FGGY: variants seen among roughly 807,000 people sequenced by gnomAD.
FGGY encodes the protein FGGY carbohydrate kinase domain containing, also known as FGGY carbohydrate kinase domain-containing protein.
A neutral mutation model predicts 71.3 loss-of-function variants in FGGY; 72 were observed. The ratio of observed to expected loss-of-function variants is 1.01; its 90% CI spans 0.84 to 1.23. The LOEUF (loss-of-function observed/expected upper bound fraction) is 1.23. FGGY is among the 50% of genes most tolerant of loss of function. The probability of loss-of-function intolerance (pLI) is 0.00; values close to 1 mark genes in which losing one functional copy is unlikely to be tolerated. For missense variants in FGGY, 668 were observed against 682.3 expected (o/e 0.98, Z 0.23); for synonymous variants, 251 against 250.3 (o/e 1.00, Z -0.02).
intron 14 of FGGY, among the ~76,000 whole-genome samples, chr1:59,694,216 G>A (rs900276127): frequency 6.6e-6 from 1 of 151,702 alleles, no homozygotes; most frequent in Non-Finnish European, 1.5e-5. Flanking sequence ...GTGAACCCGG[G>A]AGGAGGAGCT....
intron 8 of FGGY, among the ~76,000 whole-genome samples, chr1:59,568,698 G>T (rs1039464991): frequency 1.9e-4 from 29 of 152,190 alleles, no homozygotes; most frequent in African/African-American, 6.7e-4. Flanking sequence ...ACGTTTAATA[G>T]ATTATGACTC....
At chr1:59,465,145 A>G (rs2092535183) in intron 6 of FGGY, among the ~76,000 whole-genome samples, 1 of 152,258 alleles carries the variant, frequency 6.6e-6, no homozygotes, top group African/African-American at 2.4e-5. Flanking sequence ...CCAGCAGCAC[A>G]TCAAAAAGTT....
intron 5 of FGGY, among the ~76,000 whole-genome samples, chr1:59,447,789 T>G (rs2071649208): frequency 6.6e-6 from 1 of 152,222 alleles, no homozygotes; most frequent in African/African-American, 2.4e-5. Flanking sequence ...CGTGGAACCA[T>G]GAGTTTATTA....
In FGGY at chr1:59,482,678, T is replaced by C. The variant is rs570568704; in HGVS notation, c.670+25602T>C. Among the ~76,000 whole-genome samples the C allele has an allele frequency of 4.0e-5, 6 of 151,842 alleles. No individual in the cohort carries two copies. In the East Asian group the frequency reaches 9.7e-4, roughly 24 times the overall value. ...AACACCATATTCTGTGTCTTTTATA[T>C]ATAGTATCACTTGATTATTATAATT... On this transcript the variant is annotated intron_variant, in intron 6 of 15. Transcript: ENST00000303721.
At chr1:59,559,494 A>AC (rs2095750654) in intron 8 of FGGY, among the ~76,000 whole-genome samples, 1 of 152,172 alleles carries the variant, frequency 6.6e-6, no homozygotes, top group South Asian at 2.1e-4. Context: ...AGGTTAGTAA[A>AC]CACATATTTA....
intron 5 of FGGY, among the ~76,000 whole-genome samples, chr1:59,436,216 C>A (rs2068433044): frequency 6.6e-6 from 1 of 152,102 alleles, no homozygotes; most frequent in South Asian, 2.1e-4. Flanking sequence ...TTCACCGTCC[C>A]TCAGTCACCC....
intron 1 of FGGY, among the ~76,000 whole-genome samples, chr1:59,312,951 CTGATTTAATACCA>C (rs2044649399): frequency 6.6e-6 from 1 of 152,170 alleles, no homozygotes; most frequent in African/African-American, 2.4e-5. Context: ...TACTGTCTTT[CTGATTTAATACCA>C]TGTCCCTCTT....
At chr1:59,572,328 A>G (rs2096000947) in intron 8 of FGGY, among the ~76,000 whole-genome samples, 1 of 152,098 alleles carries the variant, frequency 6.6e-6, no homozygotes, top group Non-Finnish European at 1.5e-5. Context: ...GTTCAGAAAG[A>G]GAGTACAGAA....
intron 4 of FGGY, among the ~76,000 whole-genome samples, chr1:59,357,377 C>T (rs2054536702): frequency 6.6e-6 from 1 of 152,134 alleles, no homozygotes; most frequent in Non-Finnish European, 1.5e-5. Context: ...ATGGCTATGG[C>T]AGACTTTCAT....
At chr1:59,355,254 T>A (rs1042041684) in intron 4 of FGGY, among the ~76,000 whole-genome samples, 8 of 152,130 alleles carry the variant, frequency 5.3e-5, no homozygotes, top group Non-Finnish European at 1.5e-5. Context: ...AGTTTTAGGG[T>A]ACATGTGCAC....
At chr1:59,418,769 C>T (rs1325913760) in intron 5 of FGGY, among the ~76,000 whole-genome samples, 1 of 151,988 alleles carries the variant, frequency 6.6e-6, no homozygotes, top group African/African-American at 2.4e-5. Context: ...TTCTCTTTAA[C>T]ATAGTGAGTT....
chr1:59,516,309 T>G (rs1042836135), intron 7 of FGGY, among the ~76,000 whole-genome samples: 1 of 152,214 alleles, frequency 6.6e-6, no homozygotes, highest in East Asian at 1.9e-4. Context: ...ATTGAGTGAA[T>G]GCAACCTGTC....
At chr1:59,339,883 C>A in intron 2 of FGGY, 75 bp from the exon 3 acceptor site, 1 of 811,166 alleles carries the variant, frequency 1.2e-6, no homozygotes, top group Non-Finnish European at 2.0e-6. Flanking sequence ...TCATTCCTTC[C>A]TTCTAGTTGT....
chr1:59,415,442 A>G (rs141695325), intron 5 of FGGY, among the ~76,000 whole-genome samples: 78 of 152,274 alleles, frequency 5.1e-4, no homozygotes, highest in African/African-American at 1.8e-3. Flanking sequence ...CCTTCAAATT[A>G]TTACTGTTGG....
intron 14 of FGGY, among the ~76,000 whole-genome samples, chr1:59,704,658 C>T (rs1289981163): frequency 6.6e-6 from 1 of 152,110 alleles, no homozygotes; most frequent in Non-Finnish European, 1.5e-5. Context: ...CCAGAATCTG[C>T]ATATATAAAA....
At chr1:59,627,632 G>A (rs566096376) in intron 10 of FGGY, among the ~76,000 whole-genome samples, 76 of 151,952 alleles carry the variant, frequency 5.0e-4, no homozygotes, top group Non-Finnish European at 9.1e-4. Context: ...AGCAATGTGT[G>A]TACCTAGCTC....
rs534615031 is a variant in FGGY, at chr1:59,626,296, A to G, written c.1073+247A>G. 3.0e-5 allele frequency: 12 copies of G among 403,770 alleles called. No homozygotes were observed. The South Asian group carries it at 6.4e-4, about 22-fold the overall frequency. The allele number at this position is 403,770 out of a possible 1,614,324, so 25.0% of individuals were successfully genotyped here. A position where few individuals can be genotyped will look rare whatever the true frequency, so the allele number is the denominator to read the frequency against. On this transcript the variant is annotated intron_variant, in intron 10 of 15. Transcript: ENST00000303721. ...GACTATAGATAAGAAACTCTGATGT[A>G]GAAGAAGGACCATGGATTCTGGAGT...
chr1:59,696,358 G>GT (rs1419604828), intron 14 of FGGY, among the ~76,000 whole-genome samples: 3 of 152,084 alleles, frequency 2.0e-5, no homozygotes, highest in Non-Finnish European at 4.4e-5. Context: ...AGAAAGAAAA[G>GT]TTTTTTTCCC....
At chr1:59,333,156 A>G (rs973665945) in intron 2 of FGGY, among the ~76,000 whole-genome samples, 6 of 152,150 alleles carry the variant, frequency 3.9e-5, no homozygotes, top group African/African-American at 1.4e-4. Context: ...CTACTCCCAA[A>G]CTGCCTTGTG....
Sources: allele counts gnomAD v4.1 joint callset (sites outside exome capture counted in the v4.1 genomes callset), GRCh38; gene constraint gnomAD v4.1.1; transcripts MANE v1.5; gene names NCBI Gene and HGNC (gene_info 2026-07-23, HGNC 2026-07-21).